The following PDE4D variants were observed in gnomAD, a reference collection of about 807,000 sequenced individuals.
The protein encoded by PDE4D is 3',5'-cyclic-AMP phosphodiesterase 4D.
A neutral mutation model predicts 87.4 loss-of-function variants in PDE4D; 24 were observed. That is an observed-to-expected ratio of 0.27 (90% CI 0.20 to 0.39). The LOEUF is 0.39. Among genes scored for constraint, PDE4D ranks in the 10% least tolerant of loss-of-function variants. PDE4D has a pLI of 1.00. For missense variants in PDE4D, 714 were observed against 1,041.0 expected, an observed-to-expected ratio of 0.69 and a Z score of 4.32; for synonymous variants, 384 against 383.2, an observed-to-expected ratio of 1.00 and a Z score of -0.02.
intron 1 of PDE4D, among the ~76,000 whole-genome samples, chr5:59,529,916 C>T (rs1206073003): frequency 6.6e-6 from 1 of 152,136 alleles, no homozygotes; most frequent in South Asian, 2.1e-4. Context: ...ACATGCAATA[C>T]TTGGTGTGTT....
chr5:60,356,745 T>C (rs1690272787), intron 1 of PDE4D, among the ~76,000 whole-genome samples: 1 of 152,204 alleles, frequency 6.6e-6, no homozygotes. Flanking sequence ...GATGTTGATA[T>C]TGATGCCACA....
chr5:59,057,164 C>G (rs1314597843), intron 5 of PDE4D, among the ~76,000 whole-genome samples: 1 of 152,156 alleles, frequency 6.6e-6, no homozygotes, highest in East Asian at 1.9e-4. Flanking sequence ...CCATTTTTTT[C>G]TGCAGAAACA....
At chr5:59,988,564 C>T in exon 3 of PDE4D, 1 of 1,599,446 alleles carries the variant, frequency 6.3e-7, no homozygotes, top group Non-Finnish European at 8.5e-7. Context: ...TGAATGTTCT[C>T]TGATTCACTT....
intron 2 of PDE4D, among the ~76,000 whole-genome samples, chr5:60,010,114 A>G (rs894813587): frequency 6.6e-6 from 1 of 152,132 alleles, no homozygotes; most frequent in Non-Finnish European, 1.5e-5. Flanking sequence ...CCCTAAGGAC[A>G]TAAGTGGGGA....
At chr5:59,255,853 T>C (rs1434531693) in intron 1 of PDE4D, among the ~76,000 whole-genome samples, 3 of 152,078 alleles carry the variant, frequency 2.0e-5, no homozygotes, top group Non-Finnish European at 2.9e-5. Flanking sequence ...AATAATACAA[T>C]AGTAAATGTC....
chr5:59,699,475 G>T (rs1039088215), intron 1 of PDE4D, among the ~76,000 whole-genome samples: 1 of 152,084 alleles, frequency 6.6e-6, no homozygotes, highest in Non-Finnish European at 1.5e-5. Flanking sequence ...TCCTGTGGGG[G>T]TCTTCTATTA....
At chr5:59,706,117 C>A (rs1282502082) in intron 1 of PDE4D, among the ~76,000 whole-genome samples, 2 of 152,190 alleles carry the variant, frequency 1.3e-5, no homozygotes, top group Non-Finnish European at 2.9e-5. Context: ...ATTCTATACA[C>A]ACCCTGATAT....
Position 58,974,612 on chromosome 5 carries a change from G to T in PDE4D, c.*52C>A. 1.3e-6 allele frequency: 2 copies of T among 1,489,728 alleles called. No homozygotes were observed. The highest frequency in any genetic ancestry group is 2.7e-5 in the South Asian group (2 of 72,892). The allele number at this position is 1,489,728 out of a possible 1,614,324, so 92.3% of individuals were successfully genotyped here. On this transcript the variant is annotated 3_prime_UTR_variant, in exon 15 of 15. Transcript: ENST00000340635. The stretch of plus-strand genomic sequence containing the variant: ...GGTTGTGGCATGTGACATGCACTTT[G>T]GAAACAATTTTTCTACTTAAAAAAA...
intron 5 of PDE4D, among the ~76,000 whole-genome samples, chr5:59,060,055 T>C (rs1005320684): frequency 6.6e-6 from 1 of 152,188 alleles, no homozygotes. Flanking sequence ...GTAGATATTA[T>C]ATGATGTGCT....
intron 1 of PDE4D, among the ~76,000 whole-genome samples, chr5:59,677,453 C>T (rs750568401): frequency 8.5e-5 from 13 of 152,128 alleles, no homozygotes; most frequent in African/African-American, 3.1e-4. Context: ...CCAACCTGAA[C>T]CATCTAGGGC....
intron 1 of PDE4D, among the ~76,000 whole-genome samples, chr5:59,891,145 A>T (rs938634117): frequency 4.6e-5 from 7 of 152,232 alleles, no homozygotes; most frequent in African/African-American, 1.7e-4. Flanking sequence ...TTTGCCTGTG[A>T]ACCATTCAAC....
intron 1 of PDE4D, among the ~76,000 whole-genome samples, chr5:59,310,891 G>C: frequency 6.6e-6 from 1 of 152,176 alleles, no homozygotes; most frequent in African/African-American, 2.4e-5. Context: ...TATGTCCAGA[G>C]AAAGGAAGGC....
chr5:60,395,837 G>A (rs1561204557), intron 1 of PDE4D, among the ~76,000 whole-genome samples: 1 of 151,290 alleles, frequency 6.6e-6, no homozygotes, highest in South Asian at 2.1e-4. Flanking sequence ...CCTTGCTTAG[G>A]TGCCCATTCC....
At chr5:59,310,718 A>C (rs1772414851) in intron 1 of PDE4D, among the ~76,000 whole-genome samples, 1 of 152,154 alleles carries the variant, frequency 6.6e-6, no homozygotes, top group East Asian at 1.9e-4. Flanking sequence ...CTTATTTTCT[A>C]CCATTCCCAC....
intron 1 of PDE4D, among the ~76,000 whole-genome samples, chr5:59,793,679 G>A (rs1766085375): frequency 3.3e-5 from 5 of 152,192 alleles, no homozygotes; most frequent in East Asian, 1.9e-4. Context: ...TAATGCAAAG[G>A]AAAGCTCTAG....
At chr5:60,007,639 C>G (rs900683964) in intron 2 of PDE4D, among the ~76,000 whole-genome samples, 3 of 152,002 alleles carry the variant, frequency 2.0e-5, no homozygotes, top group Non-Finnish European at 4.4e-5. Context: ...TTCTATGTCA[C>G]TGTCTGATAG....
intron 2 of PDE4D, among the ~76,000 whole-genome samples, chr5:60,068,762 T>A (rs545851016): frequency 1.3e-5 from 2 of 152,112 alleles, no homozygotes; most frequent in Non-Finnish European, 2.9e-5. Context: ...CATATCCAGC[T>A]AATTTTTTCT....
Position 58,974,513 on chromosome 5 carries a change from G to T in PDE4D, c.*151C>A. ...TGAAAAAACTGGTTACGATATTCCT[G>T]AGCGCTGGACTGAGTAGTCAAGGTC... On this transcript the variant is annotated 3_prime_UTR_variant, in exon 15 of 15. Coordinates refer to ENST00000340635, the MANE Select transcript of PDE4D (RefSeq NM_001104631.2). 7.0e-6 allele frequency: 4 copies of T among 575,528 alleles called. No individual in the cohort carries two copies. In the East Asian group the frequency reaches 1.1e-4, roughly 16 times the overall value. The allele number at this position is 575,528 out of a possible 1,614,324, so 35.7% of individuals were successfully genotyped here. A position where few individuals can be genotyped will look rare whatever the true frequency, so the allele number is the denominator to read the frequency against.
intron 1 of PDE4D, among the ~76,000 whole-genome samples, chr5:59,770,571 T>C (rs1400998244): frequency 6.6e-6 from 1 of 152,206 alleles, no homozygotes; most frequent in African/African-American, 2.4e-5. Context: ...TTTGTACATG[T>C]TTTTAGTTTT....
Sources: gnomAD v4.1 joint callset for allele counts (sites outside exome capture counted in the v4.1 genomes callset) on GRCh38, gnomAD v4.1.1 for gene constraint, MANE v1.5 for transcripts, NCBI Gene and HGNC (gene_info 2026-07-23, HGNC 2026-07-21) for gene names.